Variants in LARGE1 observed in about 807,000 individuals in gnomAD.
LARGE1 encodes the protein LARGE xylosyl- and glucuronyltransferase 1, also known as xylosyl- and glucuronyltransferase LARGE1.
In LARGE1, 43 loss-of-function variants were observed where a neutral mutation model predicts 87.6. The observed-to-expected ratio is 0.49, with a 90% CI of 0.38 to 0.63. The LOEUF (loss-of-function observed/expected upper bound fraction) is 0.63, where lower values mean the gene tolerates loss of function less well. Among genes scored for constraint, LARGE1 ranks in the 30% least tolerant of loss-of-function variants. The pLI is 0.00. For synonymous variants in LARGE1, 434 were observed against 394.6 expected, an observed-to-expected ratio of 1.10 and a Z score of -1.18; for missense variants, 802 against 1,000.2, an observed-to-expected ratio of 0.80 and a Z score of 2.67.
chr22:33,519,697 C>T (rs1400354398), intron 6 of LARGE1, among the ~76,000 whole-genome samples: 3 of 151,808 alleles, frequency 2.0e-5, no homozygotes, highest in African/African-American at 7.3e-5. Flanking sequence ...GTCATTTAAC[C>T]AAAAGAGGAA....
At chr22:33,481,213 C>T (rs1052317527) in intron 6 of LARGE1, among the ~76,000 whole-genome samples, 4 of 140,838 alleles carry the variant, frequency 2.8e-5, no homozygotes, top group Admixed American at 2.1e-4. Flanking sequence ...ATCATTGGCA[C>T]TATAGATACA....
chr22:33,198,627 A>G (rs1924203686), intron 11 of LARGE1, among the ~76,000 whole-genome samples: 1 of 137,798 alleles, frequency 7.3e-6, no homozygotes. Context: ...TAGTATATAT[A>G]TACACCGTGA....
intron 8 of LARGE1, 29 bp downstream of exon 8, chr22:33,384,163 T>G: frequency 6.8e-7 from 1 of 1,462,900 alleles, no homozygotes. Flanking sequence ...CACTCAGGAA[T>G]AGCTGCACCT....
chr22:33,683,930 G>A (rs2081863719), intron 2 of LARGE1, among the ~76,000 whole-genome samples: 1 of 152,140 alleles, frequency 6.6e-6, no homozygotes, highest in Admixed American at 6.5e-5. Flanking sequence ...ACCACAGTCT[G>A]GTCCATGGCA....
chr22:33,205,222 A>G (rs1378326471), intron 11 of LARGE1, among the ~76,000 whole-genome samples: 3 of 152,200 alleles, frequency 2.0e-5, no homozygotes, highest in Non-Finnish European at 4.4e-5. Context: ...CAATGCTCAC[A>G]TGACACTCAT....
rs925193064 is a variant in LARGE1 at position 33,830,336 on chromosome 22, T to C, written c.-82-68778A>G. On this transcript the variant is annotated intron_variant, in intron 1 of 14. Coordinates refer to ENST00000397394, the MANE Select transcript of LARGE1 (RefSeq NM_133642.5). Reference sequence around the variant, plus strand: ...GAAGAAGAAACCAACACCATGCAGATGCCGAGGCAAAGGGAGCTGGCTGCT... The same window carrying C: ...GAAGAAGAAACCAACACCATGCAGACGCCGAGGCAAAGGGAGCTGGCTGCT... Among the ~76,000 whole-genome samples, 10 of 152,296 alleles carry C rather than the reference T, an allele frequency of 6.6e-5. 1 individual carries two copies. Among genetic ancestry groups the C allele is most frequent in the East Asian group, 3.9e-4 (2 of 5,164 alleles).
intron 11 of LARGE1, among the ~76,000 whole-genome samples, chr22:33,263,192 C>T (rs563712476): frequency 3.4e-4 from 52 of 152,082 alleles, no homozygotes; most frequent in Non-Finnish European, 5.7e-4. Flanking sequence ...TGTGCCCGGC[C>T]GACATCCTTT....
chr22:33,290,451 T>A (rs1428061804), intron 12 of LARGE1, among the ~76,000 whole-genome samples: 3 of 152,220 alleles, frequency 2.0e-5, no homozygotes, highest in African/African-American at 7.2e-5. Flanking sequence ...ATCTATAAAA[T>A]GGGAGTCAGG....
At chr22:33,364,898 G>A (rs2064530867) in intron 9 of LARGE1, among the ~76,000 whole-genome samples, 1 of 151,958 alleles carries the variant, frequency 6.6e-6, no homozygotes, top group Non-Finnish European at 1.5e-5. Context: ...GTCTTACTAT[G>A]TTGCCTAGGC....
In LARGE1 at chr22:33,432,269, T is replaced by C; in HGVS notation, c.788-4A>G. The stretch of plus-strand genomic sequence containing the variant: ...ACCAAGCCCAGGACTTGCTGACCTG[T>C]GAGGTACAGAGAATACAAACATCTT... On this transcript the variant is annotated splice_region_variant and splice_polypyrimidine_tract_variant and intron_variant, in intron 6 of 14. Transcript: ENST00000397394. The C allele has an allele frequency of 6.2e-7, 1 of 1,610,220 alleles. No individual in the cohort carries two copies. Among genetic ancestry groups the C allele is most frequent in the Non-Finnish European group, 8.5e-7 (1 of 1,176,442 alleles).
chr22:33,631,583 C>T (rs1198918398), intron 3 of LARGE1, among the ~76,000 whole-genome samples: 2 of 152,142 alleles, frequency 1.3e-5, no homozygotes, highest in Non-Finnish European at 2.9e-5. Flanking sequence ...GGAAGGTCCT[C>T]AGGGGCATTA....
At chr22:33,836,277 T>G (rs1001236762) in intron 1 of LARGE1, among the ~76,000 whole-genome samples, 1 of 152,158 alleles carries the variant, frequency 6.6e-6, no homozygotes, top group African/African-American at 2.4e-5. Context: ...GTAGCTCCTA[T>G]GTAATATGGG....
chr22:33,482,348 TC>T (rs2069365825), intron 6 of LARGE1, among the ~76,000 whole-genome samples: 1 of 152,202 alleles, frequency 6.6e-6, no homozygotes, highest in Admixed American at 6.5e-5. Context: ...TTTTTGTATT[TC>T]TCACACATTT....
intron 2 of LARGE1, among the ~76,000 whole-genome samples, chr22:33,761,131 C>T (rs1447554157): frequency 1.3e-5 from 2 of 151,978 alleles, no homozygotes; most frequent in African/African-American, 2.4e-5. Context: ...CTTGATTTGA[C>T]ATTTCTGTAC....
At chr22:33,880,065 T>C (rs540806397) in intron 1 of LARGE1, among the ~76,000 whole-genome samples, 2 of 152,378 alleles carry the variant, frequency 1.3e-5, no homozygotes, top group Admixed American at 1.3e-4. Flanking sequence ...AACTGTAGCT[T>C]GGTAACACCA....
At chr22:33,670,335 C>T (rs999536121) in intron 2 of LARGE1, among the ~76,000 whole-genome samples, 1 of 151,846 alleles carries the variant, frequency 6.6e-6, no homozygotes, top group South Asian at 2.1e-4. Context: ...GGAAGCACCT[C>T]CCAGCTCAGT....
intron 9 of LARGE1, among the ~76,000 whole-genome samples, chr22:33,344,604 C>T (rs770315069): frequency 6.6e-6 from 1 of 152,154 alleles, no homozygotes; most frequent in Non-Finnish European, 1.5e-5. Context: ...AACCACATCT[C>T]TCACTCTGAA....
intron 2 of LARGE1, among the ~76,000 whole-genome samples, chr22:33,740,736 A>AGTG (rs1208159194): frequency 6.6e-6 from 1 of 152,234 alleles, no homozygotes; most frequent in Non-Finnish European, 1.5e-5. Flanking sequence ...ACCACTATGG[A>AGTG]GACCTTGAAG....
intron 1 of LARGE1, among the ~76,000 whole-genome samples, chr22:33,834,363 C>T (rs1429906142): frequency 1.3e-5 from 2 of 152,204 alleles, no homozygotes; most frequent in Non-Finnish European, 2.9e-5. Flanking sequence ...CCTGAAGTAA[C>T]TGAAGAATCA....
Sources: gnomAD v4.1 joint callset for allele counts (sites outside exome capture counted in the v4.1 genomes callset) on GRCh38, gnomAD v4.1.1 for gene constraint, MANE v1.5 for transcripts, NCBI Gene and HGNC (gene_info 2026-07-23, HGNC 2026-07-21) for gene names.